The following PLS3 variants were observed in gnomAD, a reference collection of about 807,000 sequenced individuals.
PLS3 encodes plastin-3.
A neutral mutation model predicts 46.5 loss-of-function variants in PLS3; 11 were observed. The observed-to-expected ratio is 0.24, with a 90% CI of 0.15 to 0.39. The LOEUF (loss-of-function observed/expected upper bound fraction) is 0.39, where lower values mean the gene tolerates loss of function less well. Ranked by LOEUF, PLS3 falls within the 10% of genes least tolerant of loss-of-function variation. The pLI, the probability that PLS3 is intolerant of heterozygous loss-of-function variation, is 1.00. For synonymous variants in PLS3, 167 were observed against 162.2 expected (o/e 1.03, Z -0.22); for missense variants, 308 against 461.8 (o/e 0.67, Z 3.05).
chrX:115,645,496 A>G (rs1240460513), intron 11 of PLS3, among the ~76,000 whole-genome samples: 1 of 110,590 alleles, frequency 9.0e-6, no homozygotes, highest in African/African-American at 3.3e-5. Context: ...AAAGAAAGGT[A>G]AAAAAGAAAG....
intron 1 of PLS3, among the ~76,000 whole-genome samples, chrX:115,572,546 G>A (rs1031949366): frequency 9.0e-6 from 1 of 110,918 alleles, no homozygotes; most frequent in South Asian, 3.8e-4. Context: ...CGTGCCCAAA[G>A]TTCTTAAGTA....
chrX:115,606,827 C>T (rs994296268), intron 1 of PLS3, among the ~76,000 whole-genome samples: 4 of 111,377 alleles, frequency 3.6e-5, no homozygotes, highest in Non-Finnish European at 3.8e-5. Context: ...ATTTAACTTA[C>T]GAATTTTAAA....
At chrX:115,562,404 C>T (rs1413040630) in intron 1 of PLS3, 1 of 111,746 alleles carries the variant, frequency 8.9e-6, no homozygotes, top group African/African-American at 3.3e-5. Context: ...TGCCTCTCAC[C>T]TGAGCTGCAC....
intron 1 of PLS3, among the ~76,000 whole-genome samples, chrX:115,606,640 C>T (rs1245639072): frequency 9.0e-6 from 1 of 110,856 alleles, no homozygotes; most frequent in Non-Finnish European, 1.9e-5. Context: ...ATTTTCTGTG[C>T]CATTGTTCTC....
At chrX:115,598,017 T>C (rs2074405962) in intron 1 of PLS3, among the ~76,000 whole-genome samples, 1 of 111,396 alleles carries the variant, frequency 9.0e-6, no homozygotes, top group Non-Finnish European at 1.9e-5. Flanking sequence ...GAAGAAATTT[T>C]TGGCTGGGCA....
rs952837830 is a variant in PLS3 at position 115,586,001 on chromosome X, T to A, written c.-8-24242T>A. Reference sequence around the variant, plus strand: ...TCAGAAGAAAAATCTAATTTTTTTTTTTTTGACGGAGTTTTGCTCTTGTTG... The same window carrying A: ...TCAGAAGAAAAATCTAATTTTTTTTATTTTGACGGAGTTTTGCTCTTGTTG... On this transcript the variant is annotated intron_variant, in intron 1 of 15. Transcript: ENST00000355899. 5.7e-4 allele frequency among the ~76,000 whole-genome samples: 63 copies of A among 110,244 alleles called. 1 individual carries two copies. The highest frequency in any genetic ancestry group is 1.1e-3 in the Non-Finnish European group (59 of 52,834).
At chrX:115,644,044 T>G (rs2074925819) in intron 10 of PLS3, among the ~76,000 whole-genome samples, 1 of 111,215 alleles carries the variant, frequency 9.0e-6, no homozygotes, top group African/African-American at 3.3e-5. Flanking sequence ...CAGTATTTAG[T>G]TTTAATATTT....
intron 2 of PLS3, among the ~76,000 whole-genome samples, chrX:115,620,740 T>G (rs2074644604): frequency 1.1e-5 from 1 of 87,769 alleles, no homozygotes; most frequent in African/African-American, 4.3e-5. Flanking sequence ...TGAGATGGAG[T>G]CTTGCTCTGT....
intron 1 of PLS3, among the ~76,000 whole-genome samples, chrX:115,578,428 A>G (rs1556631451): frequency 4.5e-5 from 5 of 111,681 alleles, no homozygotes; most frequent in African/African-American, 1.6e-4. Flanking sequence ...ATGTCAAAAA[A>G]GTTTTGAAAA....
At chrX:115,622,519 G>A in intron 3 of PLS3, 110 bp downstream of exon 3, 1 of 432,768 alleles carries the variant, frequency 2.3e-6, no homozygotes, top group African/African-American at 2.7e-5. Context: ...TATCATATTA[G>A]TACTGTTATA....
At position 115,573,612 on chromosome X, in the gene PLS3, C is replaced by T. The variant is rs149981660; in HGVS notation, c.-9+12352C>T. On this transcript the variant is annotated intron_variant, in intron 1 of 15. Coordinates refer to ENST00000355899, the MANE Select transcript of PLS3 (RefSeq NM_005032.7). ...TTATACTTTCTGTAGTAAAGTATTC[C>T]GTTAAGTTTTATTTTGACTCGTGGA... Among the ~76,000 whole-genome samples, 561 of 112,091 alleles carry T rather than the reference C, an allele frequency of 5.0e-3. 5 individuals are homozygous for T. Among genetic ancestry groups the T allele is most frequent in the African/African-American group, 0.017 (531 of 30,940 alleles).
intron 1 of PLS3, among the ~76,000 whole-genome samples, chrX:115,562,219 G>A (rs1012493529): frequency 1.6e-4 from 18 of 111,426 alleles, no homozygotes; most frequent in Non-Finnish European, 3.2e-4. Context: ...TGAGAGGCCC[G>A]GGGACGCCGA....
intron 1 of PLS3, among the ~76,000 whole-genome samples, chrX:115,566,934 C>G (rs142184894): frequency 0.035 from 3,971 of 111,979 alleles, 175 homozygotes; most frequent in African/African-American, 0.12. Flanking sequence ...GCCTTGGCCT[C>G]CCAGAGTGCT....
At position 115,591,861 on chromosome X, in the gene PLS3, A is replaced by G. The variant is rs1251441287; in HGVS notation, c.-8-18382A>G. 3.6e-5 allele frequency among the ~76,000 whole-genome samples: 4 copies of G among 112,513 alleles called. No individual in the cohort carries two copies. The East Asian group carries it at 1.1e-3, about 31-fold the overall frequency. Reference sequence around the variant, plus strand: ...ATTTCATTCACATAGTGAGTCAGCAACAAAGACAGACGGAAAAACATGTCC... The same window carrying G: ...ATTTCATTCACATAGTGAGTCAGCAGCAAAGACAGACGGAAAAACATGTCC... On this transcript the variant is annotated intron_variant, in intron 1 of 15. Coordinates refer to ENST00000355899, the MANE Select transcript of PLS3 (RefSeq NM_005032.7).
At chrX:115,562,180 T>C (rs2074142255) in intron 1 of PLS3, among the ~76,000 whole-genome samples, 1 of 110,552 alleles carries the variant, frequency 9.0e-6, no homozygotes, top group Non-Finnish European at 1.9e-5. Flanking sequence ...TGTTTACTTT[T>C]CTCCACCCGC....
At chrX:115,633,938 C>T in intron 5 of PLS3, 62 bp from the exon 6 acceptor site, 2 of 603,461 alleles carry the variant, frequency 3.3e-6, no homozygotes, top group Non-Finnish European at 5.6e-6. Flanking sequence ...TTTACAGCCA[C>T]TTTATAAAAG....
intron 1 of PLS3, among the ~76,000 whole-genome samples, chrX:115,593,337 A>G (rs1389520115): frequency 9.4e-6 from 1 of 106,359 alleles, no homozygotes; most frequent in African/African-American, 3.4e-5. Context: ...ATTTTGGGGA[A>G]AAAAAAAAAA....
intron 1 of PLS3, among the ~76,000 whole-genome samples, chrX:115,571,565 A>G (rs2074216829): frequency 1.8e-5 from 2 of 110,963 alleles, no homozygotes; most frequent in Admixed American, 1.9e-4. Context: ...GAAAGAGGAA[A>G]AGGAAAAGGA....
intron 1 of PLS3, among the ~76,000 whole-genome samples, chrX:115,577,660 T>A (rs1404510611): frequency 9.0e-6 from 1 of 110,799 alleles, no homozygotes; most frequent in Non-Finnish European, 1.9e-5. Context: ...GTGTTTTTTG[T>A]AGAGATGGGG....
Sources: gnomAD v4.1 joint callset for allele counts (sites outside exome capture counted in the v4.1 genomes callset) on GRCh38, gnomAD v4.1.1 for gene constraint, MANE v1.5 for transcripts, NCBI Gene and HGNC (gene_info 2026-07-23, HGNC 2026-07-21) for gene names.